FYN: variants seen among roughly 807,000 people sequenced by gnomAD.
FYN encodes the protein FYN proto-oncogene, Src family tyrosine kinase, also known as tyrosine-protein kinase Fyn.
In FYN, 10 loss-of-function variants were observed where a neutral mutation model predicts 70.2. The ratio of observed to expected loss-of-function variants is 0.14; its 90% confidence interval spans 0.09 to 0.24. The LOEUF is 0.24. Ranked by LOEUF, FYN falls within the 10% of genes least tolerant of loss-of-function variation. The pLI is 1.00. For synonymous variants in FYN, 236 were observed against 248.6 expected (o/e 0.95, Z 0.48); for missense variants, 319 against 673.1 (o/e 0.47, Z 5.82).
intron 2 of FYN, among the ~76,000 whole-genome samples, chr6:111,829,213 C>G (rs1174912374): frequency 6.6e-6 from 1 of 152,188 alleles, no homozygotes; most frequent in African/African-American, 2.4e-5. Context: ...CTTAACTCAC[C>G]ATCATCCTCT....
chr6:111,744,014 T>A lies in FYN; in HGVS notation c.-11-23952A>T, dbSNP rs138466061. ...TGACTTAGGCATCTCACATGGGACA[T>A]GAGATTGGACCGCACAGTATTACGT... On this transcript the variant is annotated intron_variant, in intron 3 of 13. Transcript: ENST00000354650. Among the ~76,000 whole-genome samples, 391 of 152,330 alleles carry A rather than the reference T, an allele frequency of 2.6e-3. 1 individual carries two copies. The highest frequency in any genetic ancestry group is 4.4e-3 in the Admixed American group (67 of 15,300).
At chr6:111,677,635 C>T (rs1359003632) in intron 12 of FYN, among the ~76,000 whole-genome samples, 2 of 152,208 alleles carry the variant, frequency 1.3e-5, no homozygotes, top group African/African-American at 2.4e-5. Flanking sequence ...CTGCAGTGAG[C>T]TCTGTAAGTT....
intron 2 of FYN, chr6:111,793,763 A>C (rs1269060418): frequency 1.3e-5 from 2 of 152,268 alleles, no homozygotes; most frequent in South Asian, 2.1e-4. Flanking sequence ...GCTTCTGGTC[A>C]GTCAATCCAT....
chr6:111,745,299 T>C (rs1802157783), intron 3 of FYN, among the ~76,000 whole-genome samples: 1 of 152,194 alleles, frequency 6.6e-6, no homozygotes, highest in Admixed American at 6.5e-5. Context: ...CTCTCCAATG[T>C]AGTAAGCCTG....
At chr6:111,662,037 C>T in intron 13 of FYN, 90 bp from the exon 14 acceptor site, 2 of 1,076,052 alleles carry the variant, frequency 1.9e-6, no homozygotes, top group Non-Finnish European at 2.7e-6. Flanking sequence ...TTCTTTGCGT[C>T]TGCATGTGGC....
intron 2 of FYN, among the ~76,000 whole-genome samples, chr6:111,790,522 G>A (rs145428571): frequency 0.015 from 2,235 of 152,138 alleles, 36 homozygotes; most frequent in Non-Finnish European, 0.023. Context: ...CCACGTGCAC[G>A]TTCTCAATGT....
chr6:111,841,106 C>G (rs545231950), intron 2 of FYN, among the ~76,000 whole-genome samples: 6 of 152,286 alleles, frequency 3.9e-5, no homozygotes, highest in African/African-American at 1.4e-4. Flanking sequence ...AAATGATCCC[C>G]AAGTCTGGGA....
chr6:111,685,700 A>G (rs1279734195), intron 12 of FYN, among the ~76,000 whole-genome samples: 1 of 152,226 alleles, frequency 6.6e-6, no homozygotes, highest in Non-Finnish European at 1.5e-5. Context: ...CTTTAAAATC[A>G]CAGAGGGTGA....
At chr6:111,693,372 C>A (rs570587146) in intron 12 of FYN, among the ~76,000 whole-genome samples, 1 of 152,260 alleles carries the variant, frequency 6.6e-6, no homozygotes, top group African/African-American at 2.4e-5. Flanking sequence ...GAAACACCAA[C>A]AATGAAAGTT....
chr6:111,796,647 T>C (rs760598929), intron 2 of FYN, among the ~76,000 whole-genome samples: 4 of 152,172 alleles, frequency 2.6e-5, no homozygotes, highest in Non-Finnish European at 5.9e-5. Context: ...CAATAAACAC[T>C]AACTGAGCAC....
At chr6:111,754,425 A>G (rs1346842212) in intron 3 of FYN, 1 of 152,222 alleles carries the variant, frequency 6.6e-6, no homozygotes, top group Non-Finnish European at 1.5e-5. Flanking sequence ...TTTCAGACAT[A>G]ACACTTACCT....
rs538530169 is a variant in FYN, at chr6:111,688,446, T to TG, written c.1273+5928dup. The stretch of plus-strand genomic sequence containing the variant: ...CAGGAGAGCATGTCTCACAAGAGTG[T>TG]GGGGGGGTTGGTGACCTTGGTTATT... On this transcript the variant is annotated intron_variant, in intron 12 of 13. Coordinates refer to ENST00000354650, the MANE Select transcript of FYN (RefSeq NM_002037.5). 5.9e-4 allele frequency among the ~76,000 whole-genome samples: 90 copies of TG among 152,174 alleles called. 1 individual carries two copies. The highest frequency in any genetic ancestry group is 1.6e-3 in the Admixed American group (24 of 15,300).
intron 3 of FYN, among the ~76,000 whole-genome samples, chr6:111,764,973 G>A (rs1217847866): frequency 1.3e-5 from 2 of 152,024 alleles, no homozygotes; most frequent in Non-Finnish European, 2.9e-5. Context: ...TGTGTCTGGA[G>A]CCCTCTCGGT....
At chr6:111,713,915 G>C (rs890236541) in intron 5 of FYN, among the ~76,000 whole-genome samples, 2 of 152,232 alleles carry the variant, frequency 1.3e-5, no homozygotes, top group African/African-American at 4.8e-5. Flanking sequence ...TAAAGAACTT[G>C]TTGCAAGCCT....
At position 111,873,422 on chromosome 6, in the gene FYN, G is replaced by C. The variant is rs955733524; in HGVS notation, c.-577C>G. On this transcript the variant is annotated 5_prime_UTR_variant, in exon 1 of 14. Coordinates refer to ENST00000354650, the MANE Select transcript of FYN (RefSeq NM_002037.5). ...AACGACGCGCCGCCGCCACCAGCGC[G>C]GCTGCTCGCTGCTACTCTTGCTGAT... 2.6e-5 allele frequency: 4 copies of C among 151,880 alleles called. No homozygotes were observed. The highest frequency in any genetic ancestry group is 5.9e-5 in the Non-Finnish European group (4 of 67,962). 9.4% of individuals were successfully genotyped at this position (151,880 alleles called of 1,614,324 possible).
chr6:111,673,937 G>A (rs577001793), intron 13 of FYN, among the ~76,000 whole-genome samples: 2 of 151,448 alleles, frequency 1.3e-5, no homozygotes, highest in Non-Finnish European at 2.9e-5. Context: ...ACTTGCTTTG[G>A]TATAGCATGT....
intron 4 of FYN, among the ~76,000 whole-genome samples, chr6:111,714,916 G>A (rs1800555232): frequency 6.6e-6 from 1 of 152,132 alleles, no homozygotes; most frequent in Admixed American, 6.5e-5. Flanking sequence ...AATGCCTCCT[G>A]CAGCTTGGGG....
At chr6:111,705,314 G>A (rs1198855651) in intron 6 of FYN, among the ~76,000 whole-genome samples, 1 of 151,776 alleles carries the variant, frequency 6.6e-6, no homozygotes, top group East Asian at 1.9e-4. Flanking sequence ...GGTGTGTGAG[G>A]ACTTGGATAA....
chr6:111,783,708 C>A (rs898051440), intron 2 of FYN, among the ~76,000 whole-genome samples: 7 of 152,214 alleles, frequency 4.6e-5, no homozygotes, highest in Non-Finnish European at 1.0e-4. Flanking sequence ...TGCATGTGGT[C>A]ATTCCCTCTT....
Sources: gnomAD v4.1 joint callset for allele counts (sites outside exome capture counted in the v4.1 genomes callset) on GRCh38, gnomAD v4.1.1 for gene constraint, MANE v1.5 for transcripts, NCBI Gene and HGNC (gene_info 2026-07-23, HGNC 2026-07-21) for gene names.